TENM2: variants seen among roughly 807,000 people sequenced by gnomAD.
The protein encoded by TENM2 is teneurin transmembrane protein 2.
In TENM2, 52 loss-of-function variants were observed where a neutral mutation model predicts 245.2. The ratio of observed to expected loss-of-function variants is 0.21; its 90% CI spans 0.17 to 0.27. TENM2 has a LOEUF of 0.27. TENM2 is among the 10% of genes least tolerant of loss of function. The pLI, the probability that TENM2 is intolerant of heterozygous loss-of-function variation, is 1.00. For synonymous variants in TENM2, 1,363 were observed against 1,438.9 expected (o/e 0.95, Z 1.19); for missense variants, 3,046 against 3,666.8 (o/e 0.83, Z 4.37).
chr5:167,810,623 A>G (rs1766566622), intron 2 of TENM2, among the ~76,000 whole-genome samples: 1 of 149,180 alleles, frequency 6.7e-6, no homozygotes, highest in Non-Finnish European at 1.5e-5. Flanking sequence ...AGAGAGAGGA[A>G]AAAAAAAAAG....
intron 9 of TENM2, among the ~76,000 whole-genome samples, chr5:168,100,833 A>T (rs920181839): frequency 6.6e-6 from 1 of 151,588 alleles, no homozygotes; most frequent in Admixed American, 6.6e-5. Flanking sequence ...AGCAAACCAG[A>T]TGACAGGTTG....
intron 3 of TENM2, among the ~76,000 whole-genome samples, chr5:167,887,318 C>T (rs1774366006): frequency 6.6e-6 from 1 of 152,234 alleles, no homozygotes; most frequent in Admixed American, 6.5e-5. Context: ...TGTCCCTTAG[C>T]ACATGGTGCA....
At chr5:167,252,792 T>C in the TENM2 span, among the ~76,000 whole-genome samples, 1 of 152,290 alleles carries the variant, frequency 6.6e-6, no homozygotes, top group Middle Eastern at 3.4e-3. Flanking sequence ...ATGTGACTTT[T>C]ACCTTGAGAT....
chr5:167,952,903 A>C, intron 4 of TENM2, 81 bp downstream of exon 6: 4 of 1,180,834 alleles, frequency 3.4e-6, no homozygotes, highest in Non-Finnish European at 3.7e-6. Flanking sequence ...TGGGTGTCTC[A>C]GAGTTCCAGT....
At chr5:167,707,991 G>T (rs959271172) in intron 2 of TENM2, among the ~76,000 whole-genome samples, 4 of 152,138 alleles carry the variant, frequency 2.6e-5, no homozygotes, top group African/African-American at 9.7e-5. Flanking sequence ...CCAAGCATTT[G>T]TTGGGTCAAT....
chr5:167,228,457 A>G, the TENM2 span, among the ~76,000 whole-genome samples: 1 of 151,434 alleles, frequency 6.6e-6, no homozygotes, highest in African/African-American at 2.4e-5. Context: ...CTCTGTGGCA[A>G]ATTTCTCATT....
chr5:167,420,667 C>T (rs1462632632), intron 2 of TENM2, among the ~76,000 whole-genome samples: 2 of 152,160 alleles, frequency 1.3e-5, no homozygotes, highest in East Asian at 1.9e-4. Context: ...CCCACCCTGA[C>T]CATTGTGTAA....
the TENM2 span, among the ~76,000 whole-genome samples, chr5:167,178,765 G>C: frequency 6.6e-6 from 1 of 152,246 alleles, no homozygotes; most frequent in South Asian, 2.1e-4. Flanking sequence ...TCAAAGTCAA[G>C]TATCTCAACA....
At chr5:167,780,008 A>G (rs1764081581) in intron 2 of TENM2, among the ~76,000 whole-genome samples, 2 of 152,178 alleles carry the variant, frequency 1.3e-5, no homozygotes, top group Non-Finnish European at 2.9e-5. Context: ...TAAATATCCC[A>G]AATTTGTAGA....
At chr5:167,765,265 T>A (rs1305106694) in intron 2 of TENM2, among the ~76,000 whole-genome samples, 1 of 152,148 alleles carries the variant, frequency 6.6e-6, no homozygotes, top group Non-Finnish European at 1.5e-5. Context: ...TGAGTAAACA[T>A]TTACCTCTGG....
chr5:167,133,007 T>G, the TENM2 span, among the ~76,000 whole-genome samples: 1 of 152,104 alleles, frequency 6.6e-6, no homozygotes, highest in African/African-American at 2.4e-5. Context: ...GTTAGCAGAT[T>G]GAAAAGCAAG....
chr5:167,522,222 A>C (rs151245611), intron 2 of TENM2, among the ~76,000 whole-genome samples: 177 of 152,306 alleles, frequency 1.2e-3, no homozygotes, highest in African/African-American at 4.0e-3. Context: ...TAGTTTGCTT[A>C]GAAAAAGTCC....
At chr5:167,644,733 T>C (rs1270256307) in intron 2 of TENM2, among the ~76,000 whole-genome samples, 2 of 152,190 alleles carry the variant, frequency 1.3e-5, no homozygotes, top group Non-Finnish European at 2.9e-5. Flanking sequence ...TGTGTAATCT[T>C]ACAGCCCAGG....
intron 2 of TENM2, among the ~76,000 whole-genome samples, chr5:167,824,581 G>T (rs1767805651): frequency 1.3e-5 from 2 of 152,210 alleles, no homozygotes; most frequent in African/African-American, 4.8e-5. Context: ...CAAGTACTGA[G>T]TTCAGTAAAG....
chr5:167,221,435 G>T, the TENM2 span, among the ~76,000 whole-genome samples: 2 of 152,180 alleles, frequency 1.3e-5, no homozygotes, highest in Admixed American at 1.3e-4. Flanking sequence ...ATACTCATGT[G>T]CAAAAGCAGG....
At chr5:167,809,467 A>G (rs1245127731) in intron 2 of TENM2, among the ~76,000 whole-genome samples, 2 of 152,160 alleles carry the variant, frequency 1.3e-5, no homozygotes, top group African/African-American at 2.4e-5. Context: ...GGTAGAGGGA[A>G]TTCAATTTGA....
chr5:167,711,262 T>A (rs969915079), intron 2 of TENM2, among the ~76,000 whole-genome samples: 2 of 152,220 alleles, frequency 1.3e-5, no homozygotes, highest in Non-Finnish European at 2.9e-5. Context: ...GCTAGGTGAT[T>A]GACTAACTTC....
chr5:167,341,867 C>A (rs1247116642), intron 1 of TENM2, among the ~76,000 whole-genome samples: 1 of 152,158 alleles, frequency 6.6e-6, no homozygotes, highest in Non-Finnish European at 1.5e-5. Context: ...GCAAAATTTA[C>A]ATTTCACCAA....
At chr5:167,783,829 C>T (rs183527035) in intron 2 of TENM2, among the ~76,000 whole-genome samples, 2 of 152,200 alleles carry the variant, frequency 1.3e-5, no homozygotes, top group African/African-American at 4.8e-5. Flanking sequence ...GGGTGCGTGT[C>T]TCTCCCCAGG....
Sources: gnomAD v4.1 joint callset for allele counts (sites outside exome capture counted in the v4.1 genomes callset) on GRCh38, gnomAD v4.1.1 for gene constraint, MANE v1.5 for transcripts, NCBI Gene and HGNC (gene_info 2026-07-23, HGNC 2026-07-21) for gene names.